Variants in TCTN3 observed in about 807,000 individuals in gnomAD.
The protein encoded by TCTN3 is tectonic family member 3, also known as tectonic-3.
A neutral mutation model predicts 71.3 loss-of-function variants in TCTN3; 57 were observed. The ratio of observed to expected loss-of-function variants is 0.80; its 90% confidence interval spans 0.65 to 1.00. The LOEUF is 1.00. TCTN3 is among the 50% of genes least tolerant of loss of function. The probability of loss-of-function intolerance (pLI) is 0.00; values close to 1 mark genes in which losing one functional copy is unlikely to be tolerated. For synonymous variants in TCTN3, 258 were observed against 267.8 expected, an observed-to-expected ratio of 0.96 and a Z score of 0.36; for missense variants, 696 against 719.9, an observed-to-expected ratio of 0.97 and a Z score of 0.38.
chr10:95,688,406 A>C (rs964777973), intron 3 of TCTN3, among the ~76,000 whole-genome samples: 17 of 148,656 alleles, frequency 1.1e-4, no homozygotes, highest in Non-Finnish European at 2.2e-4. Flanking sequence ...AGAAAAAAAA[A>C]AAAAAAAAAA....
chr10:95,685,091 G>A (rs1320328992), intron 8 of TCTN3, among the ~76,000 whole-genome samples: 1 of 152,198 alleles, frequency 6.6e-6, no homozygotes, highest in African/African-American at 2.4e-5. Context: ...TACTTTTTAA[G>A]GTTAGATTGT....
At chr10:95,683,346 G>A in intron 10 of TCTN3, 151 bp from the exon 11 acceptor site, 2 of 1,497,876 alleles carry the variant, frequency 1.3e-6, no homozygotes, top group Non-Finnish European at 1.8e-6. Context: ...TTTTTCCTCA[G>A]AAAACCACAG....
In TCTN3 at chr10:95,693,903, G is replaced by C; in HGVS notation, c.-4C>G. 6.4e-7 allele frequency: 1 copy of C among 1,551,536 alleles called. No homozygotes were observed. Among genetic ancestry groups the C allele is most frequent in the Non-Finnish European group, 8.7e-7 (1 of 1,146,916 alleles). On this transcript the variant is annotated 5_prime_UTR_variant, in exon 1 of 14. Coordinates refer to ENST00000371217, the MANE Select transcript of TCTN3 (RefSeq NM_015631.6). ...GCGCGAGCTGTGGGGTGCGCATGGG[G>C]CATTCAGGGCCTCCGGGTCCGACGT... is the stretch of plus-strand genomic sequence containing the variant.
intron 13 of TCTN3, among the ~76,000 whole-genome samples, chr10:95,679,869 C>G (rs1353837158): frequency 6.6e-6 from 1 of 152,074 alleles, no homozygotes; most frequent in East Asian, 1.9e-4. Flanking sequence ...GGATTACAGG[C>G]GTGAGCCACC....
chr10:95,665,276 AT>A (rs1188993137), intron 13 of TCTN3, among the ~76,000 whole-genome samples: 2 of 150,218 alleles, frequency 1.3e-5, no homozygotes, highest in African/African-American at 4.9e-5. Flanking sequence ...ACCTGGCTAA[AT>A]TTTTTTTTTG....
chr10:95,669,212 C>T (rs1445846975), intron 13 of TCTN3, among the ~76,000 whole-genome samples: 1 of 152,128 alleles, frequency 6.6e-6, no homozygotes, highest in African/African-American at 2.4e-5. Flanking sequence ...TCAAGGATAA[C>T]TAAGTGTTCA....
At chr10:95,692,662 T>C (rs2097954609) in intron 3 of TCTN3, among the ~76,000 whole-genome samples, 1 of 152,046 alleles carries the variant, frequency 6.6e-6, no homozygotes, top group African/African-American at 2.4e-5. Context: ...AGACCAAGCT[T>C]GTCCAACCTG....
At chr10:95,665,659 T>C (rs1015587730) in intron 13 of TCTN3, among the ~76,000 whole-genome samples, 1 of 152,156 alleles carries the variant, frequency 6.6e-6, no homozygotes, top group Non-Finnish European at 1.5e-5. Flanking sequence ...AAATGTGCTA[T>C]TCTAACTCAT....
Position 95,683,052 on chromosome 10 carries a change from C to T in TCTN3, c.1298+49G>A, listed in dbSNP as rs752234424. ...TAAAAGTTACCATATCAACATATTC[C>T]CTACATATTCCCGAAATTGCAGGAA... On this transcript the variant is annotated intron_variant, in intron 11 of 13. Transcript: ENST00000371217. 3.3e-6 allele frequency: 5 copies of T among 1,522,612 alleles called. No homozygotes were observed. In the Admixed American group the frequency reaches 5.1e-5, roughly 15 times the overall value. 94.3% of individuals were successfully genotyped at this position (1,522,612 alleles called of 1,614,324 possible). A position where few individuals can be genotyped will look rare whatever the true frequency, so the allele number is the denominator to read the frequency against.
intron 13 of TCTN3, among the ~76,000 whole-genome samples, chr10:95,672,683 A>ATTTT (rs1200918572): frequency 1.6e-5 from 2 of 128,704 alleles, no homozygotes; most frequent in Non-Finnish European, 3.4e-5. Context: ...ATCTGTTCAA[A>ATTTT]TCTTTTTTTT....
At chr10:95,669,135 G>T (rs1432925616) in intron 13 of TCTN3, among the ~76,000 whole-genome samples, 2 of 152,144 alleles carry the variant, frequency 1.3e-5, no homozygotes, top group Non-Finnish European at 2.9e-5. Context: ...GAGTAGTGGG[G>T]GGGTAGGAGG....
chr10:95,693,202 C>A (rs1485752712), intron 2 of TCTN3, 151 bp downstream of exon 2: 16 of 1,353,198 alleles, frequency 1.2e-5, no homozygotes, highest in Non-Finnish European at 1.5e-5. Context: ...TCTAGAGAAT[C>A]AGAAAAGGCA....
chr10:95,675,952 AG>A (rs1212052453), intron 13 of TCTN3, among the ~76,000 whole-genome samples: 1 of 152,212 alleles, frequency 6.6e-6, no homozygotes, highest in Non-Finnish European at 1.5e-5. Context: ...GCATTCTTCT[AG>A]TAAGTCAATA....
chr10:95,692,163 G>A (rs1259686106), intron 3 of TCTN3, among the ~76,000 whole-genome samples: 1 of 152,152 alleles, frequency 6.6e-6, no homozygotes, highest in Non-Finnish European at 1.5e-5. Context: ...TAAAATGATT[G>A]AAATTAAAGT....
In TCTN3 at chr10:95,683,176, T is replaced by C. The variant is rs1245636562; in HGVS notation, c.1223A>G (p.Gln408Arg). 5 of 1,614,018 alleles carry C rather than the reference T, an allele frequency of 3.1e-6. No homozygotes were observed. The South Asian group carries it at 3.3e-5, about 11-fold the overall frequency. Residue 408 changes from glutamine (Q) to arginine (R), a missense_variant, in exon 11 of 14, where the codon CAG (glutamine) becomes CGG (arginine). Gln to Arg is a conservative substitution (Grantham distance 43, BLOSUM62 1). Coordinates refer to ENST00000371217, the MANE Select transcript of TCTN3 (RefSeq NM_015631.6). Reference sequence around the variant, plus strand: ...TTTAACAGAGCAACTTCCATTACCCTGGCTCTGTAAGAGGGTCATCCAAGG... The same window carrying C: ...TTTAACAGAGCAACTTCCATTACCCCGGCTCTGTAAGAGGGTCATCCAAGG... ...ISYSMTLLQS[Q>R]GNGSCSVKRH...
chr10:95,676,953 A>T (rs1000338302), intron 13 of TCTN3, among the ~76,000 whole-genome samples: 4 of 152,214 alleles, frequency 2.6e-5, no homozygotes, highest in African/African-American at 9.6e-5. Context: ...AAATAACTTG[A>T]TTTAGACCTA....
chr10:95,665,888 T>C (rs748410743), intron 13 of TCTN3, among the ~76,000 whole-genome samples: 2 of 152,132 alleles, frequency 1.3e-5, no homozygotes, highest in Non-Finnish European at 2.9e-5. Flanking sequence ...AAAGTTTGTT[T>C]TTAAATGGGT....
chr10:95,687,797 A>T (rs903358111), intron 3 of TCTN3, 78 bp from the exon 4 acceptor site: 2 of 1,510,834 alleles, frequency 1.3e-6, no homozygotes, highest in African/African-American at 1.4e-5. Context: ...AAATATTTTT[A>T]TTGAAGCATA....
In TCTN3 at chr10:95,685,555, C is replaced by T. The variant is rs1015704325; in HGVS notation, c.969+1G>A. The T allele has an allele frequency of 2.6e-6, 4 of 1,549,830 alleles. No homozygotes were observed. The highest frequency in any genetic ancestry group is 1.4e-5 in the African/African-American group (1 of 73,112). On this transcript the variant is annotated splice_donor_variant, in intron 8 of 13. Coordinates refer to ENST00000371217, the MANE Select transcript of TCTN3 (RefSeq NM_015631.6). LOFTEE classifies it high-confidence loss of function. ...CCAGAATCTGAGGTCAGTATCCCTA[C>T]CTGAGAAACTACATTCTGACAAGTG...
Sources: gnomAD v4.1 joint callset for allele counts (sites outside exome capture counted in the v4.1 genomes callset) on GRCh38, gnomAD v4.1.1 for gene constraint, MANE v1.5 for transcripts, NCBI Gene and HGNC (gene_info 2026-07-23, HGNC 2026-07-21) for gene names.